The following SLC24A2 variants were observed in gnomAD, a reference collection of about 807,000 sequenced individuals.
The protein encoded by SLC24A2 is solute carrier family 24 member 2.
SLC24A2 carries 36 observed loss-of-function variants against 62.0 expected under a neutral mutation model. The observed-to-expected ratio is 0.58, with a 90% confidence interval of 0.44 to 0.77. The LOEUF is 0.77. Ranked by LOEUF, SLC24A2 falls within the 30% of genes least tolerant of loss-of-function variation. The pLI is 0.00. For missense variants in SLC24A2, 846 were observed against 817.9 expected (o/e 1.03, Z -0.42); for synonymous variants, 358 against 294.0 (o/e 1.22, Z -2.23).
the SLC24A2 span, among the ~76,000 whole-genome samples, chr9:19,864,628 A>C: frequency 5.3e-5 from 8 of 152,074 alleles, no homozygotes; most frequent in East Asian, 3.8e-4. Flanking sequence ...CATTTGGTAA[A>C]ATTCAACATC....
At chr9:19,731,288 T>C (rs1348820136) in intron 2 of SLC24A2, among the ~76,000 whole-genome samples, 1 of 152,334 alleles carries the variant, frequency 6.6e-6, no homozygotes, top group East Asian at 1.9e-4. Flanking sequence ...ATCTGTAAAA[T>C]ACATTTCTTG....
chr9:19,848,246 T>A, the SLC24A2 span, among the ~76,000 whole-genome samples: 1 of 152,228 alleles, frequency 6.6e-6, no homozygotes, highest in Non-Finnish European at 1.5e-5. Flanking sequence ...TTTTAATTTT[T>A]ACCAACCAAG....
intron 2 of SLC24A2, among the ~76,000 whole-genome samples, chr9:19,784,843 C>T (rs1269235399): frequency 6.6e-6 from 1 of 152,172 alleles, no homozygotes; most frequent in Non-Finnish European, 1.5e-5. Context: ...CCTTTGCTTC[C>T]ATTTCATGGC....
At chr9:19,820,056 C>CATATAT in the SLC24A2 span, among the ~76,000 whole-genome samples, 10 of 20,728 alleles carry the variant, frequency 4.8e-4, no homozygotes, top group African/African-American at 8.9e-4. Flanking sequence ...TATATATATA[C>CATATAT]ACATATATAT....
chr9:19,847,104 T>A, the SLC24A2 span, among the ~76,000 whole-genome samples: 1 of 152,328 alleles, frequency 6.6e-6, no homozygotes, highest in South Asian at 2.1e-4. Context: ...TGACATTATG[T>A]AATTATTATA....
At chr9:20,301,044 G>A in the SLC24A2 span, among the ~76,000 whole-genome samples, 2 of 152,042 alleles carry the variant, frequency 1.3e-5, no homozygotes, top group African/African-American at 4.8e-5. Context: ...TTAGATGAGG[G>A]GATTAAAAAC....
chr9:19,914,291 T>C, the SLC24A2 span, among the ~76,000 whole-genome samples: 2 of 152,092 alleles, frequency 1.3e-5, no homozygotes, highest in African/African-American at 4.8e-5. Flanking sequence ...ATCAGACCTC[T>C]TCCTAGGATC....
the SLC24A2 span, among the ~76,000 whole-genome samples, chr9:20,001,036 A>T: frequency 6.6e-6 from 1 of 152,190 alleles, no homozygotes; most frequent in African/African-American, 2.4e-5. Context: ...CTCCCCATCC[A>T]TTGCTCTAAT....
the SLC24A2 span, among the ~76,000 whole-genome samples, chr9:20,173,074 G>C: frequency 1.3e-5 from 2 of 151,828 alleles, no homozygotes; most frequent in South Asian, 4.1e-4. Flanking sequence ...AGAATTAAAA[G>C]CAAAAATTAC....
At chr9:20,149,897 A>G in the SLC24A2 span, among the ~76,000 whole-genome samples, 7 of 152,100 alleles carry the variant, frequency 4.6e-5, 1 homozygote, top group South Asian at 1.5e-3. Flanking sequence ...TCAAAGGTTA[A>G]AGGCCAGTCA....
At chr9:20,206,362 G>A in the SLC24A2 span, among the ~76,000 whole-genome samples, 35 of 152,172 alleles carry the variant, frequency 2.3e-4, no homozygotes, top group Non-Finnish European at 3.7e-4. Flanking sequence ...TAAGCCAGAC[G>A]TAGAGACTTG....
chr9:20,124,919 T>C, the SLC24A2 span, among the ~76,000 whole-genome samples: 1 of 152,188 alleles, frequency 6.6e-6, no homozygotes, highest in Non-Finnish European at 1.5e-5. Flanking sequence ...AACAAACATA[T>C]GCTGAACACA....
At chr9:20,251,084 G>A in the SLC24A2 span, among the ~76,000 whole-genome samples, 1 of 152,192 alleles carries the variant, frequency 6.6e-6, no homozygotes, top group Non-Finnish European at 1.5e-5. Flanking sequence ...AGAGAAGAAG[G>A]CAGTGAAAAA....
chr9:19,732,579 T>C (rs1047214842), intron 2 of SLC24A2, among the ~76,000 whole-genome samples: 3 of 152,210 alleles, frequency 2.0e-5, no homozygotes, highest in Non-Finnish European at 4.4e-5. Flanking sequence ...AAGGAACATA[T>C]GCAATGTCTT....
At chr9:19,799,349 T>C in the SLC24A2 span, among the ~76,000 whole-genome samples, 39 of 152,218 alleles carry the variant, frequency 2.6e-4, no homozygotes, top group Non-Finnish European at 4.6e-4. Context: ...ATTCTTCTTC[T>C]GTATATTATT....
intron 8 of SLC24A2, among the ~76,000 whole-genome samples, chr9:19,544,446 T>C (rs978670065): frequency 1.3e-5 from 2 of 152,162 alleles, no homozygotes; most frequent in African/African-American, 2.4e-5. Flanking sequence ...GTTAATATTG[T>C]TATGTGTGAA....
At chr9:20,089,353 C>A in the SLC24A2 span, among the ~76,000 whole-genome samples, 10 of 152,150 alleles carry the variant, frequency 6.6e-5, no homozygotes, top group South Asian at 2.1e-3. Context: ...TCTGTCTGAT[C>A]ACCACAGAGG....
chr9:20,257,735 T>C, the SLC24A2 span, among the ~76,000 whole-genome samples: 3 of 152,240 alleles, frequency 2.0e-5, no homozygotes, highest in African/African-American at 4.8e-5. Flanking sequence ...TTTATCAGTT[T>C]GTTATGACAA....
the SLC24A2 span, among the ~76,000 whole-genome samples, chr9:20,192,089 C>T: frequency 6.6e-6 from 1 of 152,100 alleles, no homozygotes; most frequent in African/African-American, 2.4e-5. Flanking sequence ...GAAGATCAAA[C>T]AAATTTTCAT....
Sources: gnomAD v4.1 joint callset for allele counts (sites outside exome capture counted in the v4.1 genomes callset) on GRCh38, gnomAD v4.1.1 for gene constraint, MANE v1.5 for transcripts, NCBI Gene and HGNC (gene_info 2026-07-23, HGNC 2026-07-21) for gene names.